MAP7D2: variants seen among roughly 807,000 people sequenced by gnomAD.
MAP7D2 encodes MAP7 domain containing 2.
In MAP7D2, 33 loss-of-function variants were observed where a neutral mutation model predicts 63.5. The ratio of observed to expected loss-of-function variants is 0.52; its 90% confidence interval spans 0.39 to 0.70. The LOEUF (loss-of-function observed/expected upper bound fraction) is 0.70. MAP7D2 is among the 30% of genes least tolerant of loss of function. The probability of loss-of-function intolerance (pLI) is 0.00; values close to 1 mark genes in which losing one functional copy is unlikely to be tolerated. For synonymous variants in MAP7D2, 224 were observed against 223.7 expected, an observed-to-expected ratio of 1.00 and a Z score of -0.01; for missense variants, 626 against 604.0, an observed-to-expected ratio of 1.04 and a Z score of -0.38.
At chrX:20,064,862 A>C (rs934890507) in intron 1 of MAP7D2, 57 bp from the exon 2 acceptor site, 46 of 1,052,265 alleles carry the variant, frequency 4.4e-5, no homozygotes, top group Non-Finnish European at 6.1e-5. Flanking sequence ...CTATCTGCTA[A>C]GTACTATAGG....
At chrX:20,088,295 C>CTTT (rs10713735) in intron 1 of MAP7D2, among the ~76,000 whole-genome samples, 1 of 86,333 alleles carries the variant, frequency 1.2e-5, no homozygotes, top group Non-Finnish European at 2.3e-5. Context: ...CAATAGTTTT[C>CTTT]TTTTTTTTTT....
intron 10 of MAP7D2, among the ~76,000 whole-genome samples, chrX:20,016,702 T>A (rs191320570): frequency 2.7e-5 from 3 of 111,881 alleles, no homozygotes; most frequent in Non-Finnish European, 1.9e-5. Context: ...TTAAAACCAA[T>A]GAAAGCTAGG....
chrX:20,029,050 C>T (rs1020846191), intron 8 of MAP7D2, among the ~76,000 whole-genome samples: 2 of 112,083 alleles, frequency 1.8e-5, no homozygotes, highest in Non-Finnish European at 3.8e-5. Context: ...TGGGTGTGCA[C>T]AACCCTGCCT....
At chrX:20,027,752 C>CA (rs1376871104) in intron 8 of MAP7D2, among the ~76,000 whole-genome samples, 2 of 48,015 alleles carry the variant, frequency 4.2e-5, no homozygotes, top group Non-Finnish European at 7.6e-5. Flanking sequence ...AGAGAGAAGG[C>CA]GGGGGGAGAG....
chrX:20,064,425 T>C (rs2065298522), intron 2 of MAP7D2, among the ~76,000 whole-genome samples: 1 of 112,199 alleles, frequency 8.9e-6, no homozygotes, highest in Non-Finnish European at 1.9e-5. Context: ...AGTTGACACT[T>C]GAAGGTGTTA....
intron 1 of MAP7D2, among the ~76,000 whole-genome samples, chrX:20,072,591 C>T (rs2065532826): frequency 9.0e-6 from 1 of 111,599 alleles, no homozygotes; most frequent in Admixed American, 9.5e-5. Flanking sequence ...TTTGTTCTGT[C>T]TTGGCCTCCA....
intron 8 of MAP7D2, among the ~76,000 whole-genome samples, chrX:20,040,529 T>A (rs2148267950): frequency 9.0e-6 from 1 of 111,727 alleles, no homozygotes; most frequent in Non-Finnish European, 1.9e-5. Context: ...AGCTTTTGAT[T>A]TAAAGGGAGA....
chrX:20,094,859 T>C (rs1047448147), intron 1 of MAP7D2, among the ~76,000 whole-genome samples: 1 of 107,081 alleles, frequency 9.3e-6, no homozygotes, highest in African/African-American at 3.4e-5. Context: ...TTAACAAATA[T>C]CCTGTTTTAA....
intron 13 of MAP7D2, 112 bp from the exon 14 acceptor site, chrX:20,013,244 T>C: frequency 1.8e-6 from 1 of 553,628 alleles, no homozygotes; most frequent in South Asian, 2.9e-5. Context: ...CTGCCTGTTC[T>C]GTGGTAATTC....
chrX:20,012,261 G>T, intron 15 of MAP7D2, 88 bp downstream of exon 15: 2 of 707,403 alleles, frequency 2.8e-6, no homozygotes, highest in African/African-American at 2.2e-5. Flanking sequence ...TAGGTGATTT[G>T]GTTGTATAAA....
At chrX:20,114,825 T>C (rs1339960845) in intron 1 of MAP7D2, among the ~76,000 whole-genome samples, 2 of 112,279 alleles carry the variant, frequency 1.8e-5, no homozygotes, top group Admixed American at 9.4e-5. Flanking sequence ...GAAAAGCAGG[T>C]TAAGTCTCAT....
Position 20,116,742 on chromosome X carries a change from G to A in MAP7D2, c.130+8C>T. The A allele has an allele frequency of 2.7e-5, 32 of 1,176,062 alleles. No individual in the cohort carries two copies. The highest frequency in any genetic ancestry group is 3.5e-5 in the Non-Finnish European group (31 of 879,025). ...CCTCGGGCGCCCGCCACACTCTGGG[G>A]ATAATACCTTGAGGCCGGTAGTTGG... On this transcript the variant is annotated splice_region_variant and intron_variant, in intron 1 of 16. Coordinates refer to ENST00000379643, the MANE Select transcript of MAP7D2 (RefSeq NM_001168465.2).
At position 20,088,481 on chromosome X, in the gene MAP7D2, T is replaced by G. The variant is rs1162852512; in HGVS notation, c.131-23676A>C. Among the ~76,000 whole-genome samples, 10 of 30,045 alleles carry G rather than the reference T, an allele frequency of 3.3e-4. No homozygotes were observed. In the African/African-American group the frequency reaches 5.8e-3, roughly 17 times the overall value. 26.1% of individuals were successfully genotyped at this position (30,045 alleles called of 115,157 possible). ...AGCTAATTTTCAGTTTTTTTTTTTT[T>G]TTTTTTTTTTTTTTTTTTTTTTTTG... On this transcript the variant is annotated intron_variant, in intron 1 of 16. Transcript: ENST00000379643.
intron 1 of MAP7D2, among the ~76,000 whole-genome samples, chrX:20,097,682 G>A (rs1397228262): frequency 8.9e-6 from 1 of 111,926 alleles, no homozygotes; most frequent in East Asian, 2.8e-4. Context: ...CTAGGTGGGA[G>A]AAAAAGAAAT....
chrX:20,046,101 T>A (rs2064792676), intron 6 of MAP7D2, among the ~76,000 whole-genome samples: 1 of 112,264 alleles, frequency 8.9e-6, no homozygotes, highest in African/African-American at 3.2e-5. Flanking sequence ...TTTTGTCTAA[T>A]GGAGCCTCTT....
intron 8 of MAP7D2, among the ~76,000 whole-genome samples, chrX:20,038,335 G>A (rs930956505): frequency 6.3e-5 from 7 of 111,647 alleles, no homozygotes; most frequent in African/African-American, 2.3e-4. Flanking sequence ...CTCACTTTAC[G>A]GCTAAAGAAG....
intron 10 of MAP7D2, among the ~76,000 whole-genome samples, chrX:20,024,602 C>T (rs1176330255): frequency 1.8e-5 from 2 of 111,841 alleles, no homozygotes; most frequent in Non-Finnish European, 3.8e-5. Flanking sequence ...CTCTTGTTTT[C>T]CCAGGGAGAA....
At chrX:20,088,599 AC>A (rs2065984875) in intron 1 of MAP7D2, among the ~76,000 whole-genome samples, 1 of 103,095 alleles carries the variant, frequency 9.7e-6, no homozygotes, top group Admixed American at 1.2e-4. Context: ...TGTTGGGATT[AC>A]AGGTGTGAGT....
intron 1 of MAP7D2, among the ~76,000 whole-genome samples, chrX:20,077,773 T>A (rs983436625): frequency 1.8e-5 from 2 of 112,201 alleles, no homozygotes; most frequent in African/African-American, 6.5e-5. Flanking sequence ...ATTACAACAC[T>A]GCCAGTGTAA....
Sources: allele counts gnomAD v4.1 joint callset (sites outside exome capture counted in the v4.1 genomes callset), GRCh38; gene constraint gnomAD v4.1.1; transcripts MANE v1.5; gene names NCBI Gene and HGNC (gene_info 2026-07-23, HGNC 2026-07-21).